The following ADAM22 variants were observed in gnomAD, a reference collection of about 807,000 sequenced individuals.
ADAM22 encodes disintegrin and metalloproteinase domain-containing protein 22.
A neutral mutation model predicts 144.6 loss-of-function variants in ADAM22; 65 were observed. That is an observed-to-expected ratio of 0.45 (90% CI 0.37 to 0.55). The LOEUF (loss-of-function observed/expected upper bound fraction) is 0.55, where lower values mean the gene tolerates loss of function less well. ADAM22 is among the 20% of genes least tolerant of loss of function. The pLI is 0.00. For synonymous variants in ADAM22, 391 were observed against 412.6 expected (o/e 0.95, Z 0.63); for missense variants, 974 against 1,184.9 (o/e 0.82, Z 2.61).
chr7:87,951,054 A>C (rs1429937390), intron 2 of ADAM22, among the ~76,000 whole-genome samples: 8 of 152,016 alleles, frequency 5.3e-5, no homozygotes, highest in Non-Finnish European at 5.9e-5. Flanking sequence ...TTGTCAGATG[A>C]GTAGGTTGCA....
chr7:87,984,741 C>T (rs1043598029), intron 3 of ADAM22, among the ~76,000 whole-genome samples: 5 of 152,054 alleles, frequency 3.3e-5, no homozygotes, highest in African/African-American at 1.2e-4. Flanking sequence ...AGTGCAATGG[C>T]GTGATCTCGG....
rs1358796233 is a variant in ADAM22, at chr7:88,114,633, A to G, written c.523A>G (p.Asn175Asp). 2.5e-6 allele frequency: 4 copies of G among 1,613,802 alleles called. No individual in the cohort carries two copies. Among genetic ancestry groups the G allele is most frequent in the Non-Finnish European group, 3.4e-6 (4 of 1,179,880 alleles). Reference sequence around the variant, plus strand: ...CACATATCTCATTGAGCCAGAAGAAAATGACACTACTCAAGTAAGTGCTCC... The same window carrying G: ...CACATATCTCATTGAGCCAGAAGAAGATGACACTACTCAAGTAAGTGCTCC... Reference protein sequence around the residue: ...NHTYLIEPEENDTTQEDFHFH... With the variant: ...NHTYLIEPEEDDTTQEDFHFH... The change falls in exon 6 of 32, where the codon AAT (asparagine) becomes GAT (aspartate). Residue 175 changes from asparagine (N) to aspartate (D), a missense_variant. Asn to Asp is a conservative substitution (Grantham distance 23). Transcript: ENST00000413139.
intron 3 of ADAM22, among the ~76,000 whole-genome samples, chr7:87,980,281 T>G (rs1852994471): frequency 8.4e-6 from 1 of 119,538 alleles, no homozygotes; most frequent in Non-Finnish European, 1.7e-5. Flanking sequence ...AAACATGCAC[T>G]GTGCTCTTTT....
chr7:87,973,581 T>G (rs552523437), intron 2 of ADAM22, among the ~76,000 whole-genome samples: 40 of 152,214 alleles, frequency 2.6e-4, no homozygotes, highest in Admixed American at 2.2e-3. Context: ...AGCCATCCCA[T>G]TACTGGGTAT....
chr7:88,170,745 C>G (rs1844123414), intron 25 of ADAM22, among the ~76,000 whole-genome samples: 1 of 151,962 alleles, frequency 6.6e-6, no homozygotes, highest in Non-Finnish European at 1.5e-5. Flanking sequence ...CCCAAAACTA[C>G]TCACTTGCAT....
At chr7:87,965,106 A>G (rs1376589141) in intron 2 of ADAM22, among the ~76,000 whole-genome samples, 1 of 152,058 alleles carries the variant, frequency 6.6e-6, no homozygotes, top group Non-Finnish European at 1.5e-5. Flanking sequence ...CCACTGGCAA[A>G]CAAAAAAAAA....
intron 3 of ADAM22, among the ~76,000 whole-genome samples, chr7:87,987,842 C>T (rs1287110686): frequency 4.6e-5 from 7 of 152,144 alleles, no homozygotes; most frequent in Non-Finnish European, 7.4e-5. Context: ...TTACTTCACA[C>T]TCTGAATATA....
At position 88,143,088 on chromosome 7, in the gene ADAM22, G is replaced by T. The variant is rs753484733; in HGVS notation, c.1283G>T (p.Ser428Ile). 29 of 1,612,586 alleles carry T rather than the reference G, an allele frequency of 1.8e-5. No homozygotes were observed. The East Asian group carries it at 5.1e-4, about 29-fold the overall frequency. The change falls in exon 15 of 32, where the codon AGT (serine) becomes ATT (isoleucine). Residue 428 changes from serine to isoleucine, a missense_variant. Ser to Ile is a moderately radical substitution (Grantham distance 142). Around this residue, in one of 2 missense-constraint regions of ADAM22, gnomAD observed 734 missense variants for 950.6 expected, o/e 0.77. Coordinates refer to ENST00000413139, the MANE Select transcript of ADAM22 (RefSeq NM_001324418.2). The stretch of plus-strand genomic sequence containing the variant: ...GAAGAGTATCATGACTTCCTGAATA[G>T]TGGAGGTGGTGCCTGCCTTTTCAAC... ...NIEEYHDFLN[S>I]GGGACLFNKP...
intron 3 of ADAM22, among the ~76,000 whole-genome samples, chr7:87,987,706 G>A (rs1256532137): frequency 6.6e-6 from 1 of 152,198 alleles, no homozygotes; most frequent in Non-Finnish European, 1.5e-5. Flanking sequence ...TTGTTTTACA[G>A]TAAGGACTAT....
chr7:87,981,878 G>GA (rs34706048), intron 3 of ADAM22, among the ~76,000 whole-genome samples: 87,410 of 151,438 alleles, frequency 0.58, 25,940 homozygotes, highest in African/African-American at 0.71. Flanking sequence ...TGATAATAAT[G>GA]ATAACAATAG....
chr7:88,074,459 G>A (rs939656045), intron 3 of ADAM22, among the ~76,000 whole-genome samples: 4 of 152,086 alleles, frequency 2.6e-5, no homozygotes, highest in African/African-American at 7.2e-5. Flanking sequence ...TATTTATCAA[G>A]TAGAACTGAA....
chr7:88,114,493 A>G, intron 5 of ADAM22, 91 bp from the exon 6 acceptor site: 2 of 1,197,614 alleles, frequency 1.7e-6, no homozygotes, highest in Non-Finnish European at 1.2e-6. Flanking sequence ...TGAGAAGCAA[A>G]TGGGCCCTCT....
At chr7:88,168,787 A>C (rs1346252936) in intron 25 of ADAM22, among the ~76,000 whole-genome samples, 1 of 152,162 alleles carries the variant, frequency 6.6e-6, no homozygotes, top group Non-Finnish European at 1.5e-5. Context: ...TTAAAATCAT[A>C]TTCTGCTGAT....
At position 87,934,447 on chromosome 7, in the gene ADAM22, G is replaced by C; in HGVS notation, c.-19G>C. 6.3e-7 allele frequency: 1 copy of C among 1,578,646 alleles called. No homozygotes were observed. Among genetic ancestry groups the C allele is most frequent in the Non-Finnish European group, 8.6e-7 (1 of 1,167,586 alleles). ...TGAGGAGCTGAGCGTCTCGGGCGAG[G>C]CGGGCTGACGGCAGCACCATGCAGG... On this transcript the variant is annotated 5_prime_UTR_variant, in exon 1 of 32. Transcript: ENST00000413139.
chr7:87,993,934 A>G (rs1436854359), intron 3 of ADAM22, among the ~76,000 whole-genome samples: 1 of 152,198 alleles, frequency 6.6e-6, no homozygotes, highest in South Asian at 2.1e-4. Context: ...TCATATTTAC[A>G]TGACTTCTCA....
chr7:87,977,233 G>C (rs1303920967), intron 2 of ADAM22, among the ~76,000 whole-genome samples: 1 of 152,116 alleles, frequency 6.6e-6, no homozygotes, highest in African/African-American at 2.4e-5. Context: ...TTTCCAAAAA[G>C]TCTTATTATT....
chr7:88,162,870 T>C, intron 22 of ADAM22, 142 bp from the exon 23 acceptor site: 1 of 722,232 alleles, frequency 1.4e-6, no homozygotes, highest in Non-Finnish European at 2.2e-6. Flanking sequence ...TTCTCTGAGA[T>C]TGAACTGGCT....
intron 11 of ADAM22, chr7:88,132,174 T>A (rs1040090329): frequency 6.6e-6 from 1 of 151,472 alleles, no homozygotes; most frequent in East Asian, 1.9e-4. Context: ...TTCCTGAACC[T>A]CTTGAAAGTA....
At chr7:88,187,396 G>A (rs1848558226) in intron 30 of ADAM22, among the ~76,000 whole-genome samples, 1 of 152,174 alleles carries the variant, frequency 6.6e-6, no homozygotes, top group Admixed American at 6.5e-5. Flanking sequence ...AGAACAGGAA[G>A]CAGCTGAAAA....
Sources: allele counts gnomAD v4.1 joint callset (sites outside exome capture counted in the v4.1 genomes callset), GRCh38; gene constraint gnomAD v4.1.1; regional missense constraint gnomAD v4.1.1; transcripts MANE v1.5; gene names NCBI Gene and HGNC (gene_info 2026-07-23, HGNC 2026-07-21).